RNF6: variants seen among roughly 807,000 people sequenced by gnomAD.
RNF6 encodes the protein ring finger protein 6, also known as E3 ubiquitin-protein ligase RNF6.
RNF6 carries 21 observed loss-of-function variants against 50.1 expected under a neutral mutation model. That is an observed-to-expected ratio of 0.42 (90% CI 0.30 to 0.60). RNF6 has a LOEUF of 0.60. Among genes scored for constraint, RNF6 ranks in the 20% least tolerant of loss-of-function variants. RNF6 has a pLI of 0.20. For synonymous variants in RNF6, 255 were observed against 291.8 expected (o/e 0.87, Z 1.29); for missense variants, 698 against 838.2 (o/e 0.83, Z 2.07).
intron 5 of RNF6, among the ~76,000 whole-genome samples, chr13:26,179,353 TC>T (rs372286291): frequency 2.0e-3 from 299 of 152,306 alleles, no homozygotes; most frequent in African/African-American, 7.0e-3. Context: ...GGCAAGCCAG[TC>T]TCCCAAGGAT....
chr13:26,209,131 T>G (rs1342007757), downstream of RNF6, among the ~76,000 whole-genome samples: 1 of 152,340 alleles, frequency 6.6e-6, no homozygotes, highest in African/African-American at 2.4e-5. Flanking sequence ...TAGCCTGCTG[T>G]ATAGAGACCT....
intron 4 of RNF6, among the ~76,000 whole-genome samples, 161 bp from the exon 5 acceptor site, chr13:26,215,753 A>G (rs561609077): frequency 6.6e-6 from 1 of 152,254 alleles, no homozygotes; most frequent in Non-Finnish European, 1.5e-5. Flanking sequence ...AAAGAAAAGT[A>G]TATCTACTAT....
chr13:26,198,816 C>T (rs540850373), intron 5 of RNF6, among the ~76,000 whole-genome samples: 2 of 151,904 alleles, frequency 1.3e-5, no homozygotes, highest in African/African-American at 4.8e-5. Context: ...ATACAAAAAT[C>T]AATTGTACAG....
rs142805604 is a variant in RNF6, at chr13:26,214,641, C to T, written c.1241G>A (p.Arg414Gln). The change falls in exon 5 of 5, where the codon CGG becomes CAG. Residue 414 changes from arginine to glutamine, a missense_variant. Coordinates refer to ENST00000381588, the MANE Select transcript of RNF6 (RefSeq NM_005977.4). ...RRIRPGENRDRDSIANRTRSR... is the reference protein window; with the variant it reads ...RRIRPGENRDQDSIANRTRSR... Reference sequence around the variant, plus strand: ...TCGAGTTCTATTTGCAATACTATCCCGATCTCTATTTTCTCCAGGACGGAT... The same window carrying T: ...TCGAGTTCTATTTGCAATACTATCCTGATCTCTATTTTCTCCAGGACGGAT... 2.0e-5 allele frequency: 33 copies of T among 1,614,150 alleles called. No individual in the cohort carries two copies. In the African/African-American group the frequency reaches 2.1e-4, roughly 10 times the overall value.
chr13:26,165,057 G>A (rs188802325), intron 5 of RNF6, among the ~76,000 whole-genome samples: 6 of 152,290 alleles, frequency 3.9e-5, no homozygotes, highest in East Asian at 1.9e-4. Context: ...AAGCCTGGAG[G>A]CCTAGGAGGA....
At chr13:26,197,969 G>GA (rs1868737760) in intron 5 of RNF6, among the ~76,000 whole-genome samples, 8 of 151,776 alleles carry the variant, frequency 5.3e-5, no homozygotes, top group Admixed American at 3.9e-4. Flanking sequence ...AGGTGAAAGA[G>GA]GAAATCATAA....
intron 5 of RNF6, among the ~76,000 whole-genome samples, chr13:26,148,169 T>C (rs141406626): frequency 4.5e-4 from 68 of 152,038 alleles, no homozygotes; most frequent in African/African-American, 1.5e-3. Context: ...GGAAGCACCA[T>C]ACTTTAAAAC....
chr13:26,203,503 C>T (rs1418136611), intron 5 of RNF6, among the ~76,000 whole-genome samples: 5 of 152,232 alleles, frequency 3.3e-5, no homozygotes, highest in African/African-American at 4.8e-5. Context: ...GCACGACTGA[C>T]TGAGAGCCTC....
In RNF6 at chr13:26,213,265, GA is replaced by G. The variant is rs2137738993; in HGVS notation, c.*558del. ...AGCTTAAATAAGAACCAAACTTGTA[GA>G]CTGAATATTTTAACCTTAAAATTAT... is the stretch of plus-strand genomic sequence containing the variant. On this transcript the variant is annotated 3_prime_UTR_variant, in exon 5 of 5. Transcript: ENST00000381588. 6.6e-6 allele frequency: 1 copy of G among 152,652 alleles called. No individual in the cohort carries two copies. The highest frequency in any genetic ancestry group is 1.9e-4 in the East Asian group (1 of 5,184). 9.5% of individuals were successfully genotyped at this position (152,652 alleles called of 1,614,324 possible).
intron 5 of RNF6, among the ~76,000 whole-genome samples, chr13:26,134,902 A>T (rs989369690): frequency 3.3e-5 from 5 of 152,194 alleles, no homozygotes; most frequent in Non-Finnish European, 7.3e-5. Flanking sequence ...TATTATTTTT[A>T]AAAAGATGAT....
rs111843437 is a variant in RNF6, at chr13:26,222,239, C to T, written c.-338G>A. ...GGAAGAACGGCAGGCCCCAGCCCTT[C>T]TTTCCCGACAGCCACGCCGCCCACT... On this transcript the variant is annotated 5_prime_UTR_variant, in exon 1 of 5. Coordinates refer to ENST00000381588, the MANE Select transcript of RNF6 (RefSeq NM_005977.4). The T allele has an allele frequency of 7.4e-3, 1,128 of 152,472 alleles. 7 individuals are homozygous for T. Among genetic ancestry groups the T allele is most frequent in the Middle Eastern group, 0.02 (6 of 296 alleles). 9.4% of individuals were successfully genotyped at this position (152,472 alleles called of 1,614,324 possible). A position where few individuals can be genotyped will look rare whatever the true frequency, so the allele number is the denominator to read the frequency against.
intron 5 of RNF6, among the ~76,000 whole-genome samples, chr13:26,184,018 A>ATATATTT (rs1335766541): frequency 8.8e-5 from 3 of 33,942 alleles, no homozygotes; most frequent in African/African-American, 2.8e-4. Context: ...ATATATATAT[A>ATATATTT]TTTTTTTTTT....
chr13:26,184,203 T>C (rs1873404766), intron 5 of RNF6, among the ~76,000 whole-genome samples: 1 of 151,356 alleles, frequency 6.6e-6, no homozygotes, highest in South Asian at 2.1e-4. Context: ...GGCTAATGTT[T>C]TGTATTTTTA....
chr13:26,153,652 G>A (rs1871753494), intron 5 of RNF6, among the ~76,000 whole-genome samples: 2 of 152,166 alleles, frequency 1.3e-5, no homozygotes, highest in Non-Finnish European at 2.9e-5. Flanking sequence ...TGAACAAACA[G>A]GAATAAACCA....
In RNF6 at chr13:26,214,382, G is replaced by A. The variant is rs779236888; in HGVS notation, c.1500C>T (p.Ala500=). 1.3e-5 allele frequency: 21 copies of A among 1,613,886 alleles called. No individual in the cohort carries two copies. Among genetic ancestry groups the A allele is most frequent in the East Asian group, 2.2e-5 (1 of 44,876 alleles). ...GFGELSSLME[A]DSESELQRNG... Reference sequence around the variant, plus strand: ...TTCTTTGAAGTTCTGACTCAGAATCGGCCTCCATTAGAGAACTCAGTTCTC... The same window carrying A: ...TTCTTTGAAGTTCTGACTCAGAATCAGCCTCCATTAGAGAACTCAGTTCTC... The change falls in exon 5 of 5, where the codon GCC becomes GCT. Residue 500 remains alanine (A), a synonymous_variant. Transcript: ENST00000381588.
At position 26,214,812 on chromosome 13, in the gene RNF6, C is replaced by T. The variant is rs769463455; in HGVS notation, c.1070G>A (p.Arg357Gln). The T allele has an allele frequency of 5.0e-6, 8 of 1,614,080 alleles. No individual in the cohort carries two copies. The highest frequency in any genetic ancestry group is 2.7e-5 in the African/African-American group (2 of 74,924). Residue 357 changes from arginine (R) to glutamine (Q), a missense_variant, in exon 5 of 5, where the codon CGA (arginine) becomes CAA (glutamine). Physicochemically the swap from Arg to Gln is conservative, Grantham distance 43. Coordinates refer to ENST00000381588, the MANE Select transcript of RNF6 (RefSeq NM_005977.4). ...TRVFLEQDRE[R>Q]ERRGTAYTPF... ...GGTATATGCAGTACCTCTGCGTTCT[C>T]GTTCTCTATCTTGCTCTAAAAAGAC...
At chr13:26,187,112 G>A (rs1030150615) in intron 5 of RNF6, among the ~76,000 whole-genome samples, 13 of 140,232 alleles carry the variant, frequency 9.3e-5, no homozygotes, top group African/African-American at 3.3e-4. Flanking sequence ...TGCTTGGCCT[G>A]AGGTCCGGGA....
chr13:26,140,098 A>T (rs907835241), intron 5 of RNF6, among the ~76,000 whole-genome samples: 7 of 152,204 alleles, frequency 4.6e-5, no homozygotes, highest in Admixed American at 4.6e-4. Flanking sequence ...CTTTCCAATT[A>T]CTTATGAATA....
chr13:26,186,050 T>C (rs1873504481), intron 5 of RNF6, among the ~76,000 whole-genome samples: 1 of 152,144 alleles, frequency 6.6e-6, no homozygotes, highest in Non-Finnish European at 1.5e-5. Flanking sequence ...ACAAAATGTA[T>C]GTTTTAACCC....
Sources: gnomAD v4.1 joint callset for allele counts (sites outside exome capture counted in the v4.1 genomes callset) on GRCh38, gnomAD v4.1.1 for gene constraint, MANE v1.5 for transcripts, NCBI Gene and HGNC (gene_info 2026-07-23, HGNC 2026-07-21) for gene names.